Variants in TRAK1 observed in about 807,000 individuals in gnomAD.
The protein encoded by TRAK1 is trafficking kinesin-binding protein 1.
TRAK1 carries 33 observed loss-of-function variants against 92.1 expected under a neutral mutation model. The observed-to-expected ratio is 0.36, with a 90% confidence interval of 0.27 to 0.48. TRAK1 has a LOEUF of 0.48. TRAK1 is among the 20% of genes least tolerant of loss of function. The pLI, the probability that TRAK1 is intolerant of heterozygous loss-of-function variation, is 0.99. For missense variants in TRAK1, 1,123 were observed against 1,257.9 expected, an observed-to-expected ratio of 0.89 and a Z score of 1.62; for synonymous variants, 521 against 517.3, an observed-to-expected ratio of 1.01 and a Z score of -0.10.
At chr3:42,102,622 CTCTG>C (rs1460254827) in intron 1 of TRAK1, among the ~76,000 whole-genome samples, 1 of 152,188 alleles carries the variant, frequency 6.6e-6, no homozygotes, top group Non-Finnish European at 1.5e-5. Flanking sequence ...ACAAGGGCTT[CTCTG>C]TCTGCTGATG....
chr3:42,064,472 A>C (rs1292042865), intron 1 of TRAK1, among the ~76,000 whole-genome samples: 1 of 152,190 alleles, frequency 6.6e-6, no homozygotes, highest in African/African-American at 2.4e-5. Flanking sequence ...GAGTTACCCA[A>C]ATGTAATTTC....
Position 42,202,807 on chromosome 3 carries a change from C to T in TRAK1, c.1744+55C>T, listed in dbSNP as rs565766403. 2 of 1,596,610 alleles carry T rather than the reference C, an allele frequency of 1.3e-6. No homozygotes were observed. Among genetic ancestry groups the T allele is most frequent in the East Asian group, 4.5e-5 (2 of 44,346 alleles). ...GTCCTCCTGGGGGACTCCCTTTGGT[C>T]CCTGATCCACCTGCGGAAGGCGGGG... is the stretch of plus-strand genomic sequence containing the variant. On this transcript the variant is annotated intron_variant, in intron 13 of 15. Coordinates refer to ENST00000327628, the MANE Select transcript of TRAK1 (RefSeq NM_001042646.3). The surrounding 1 kb of genome is among the most constrained non-coding windows in gnomAD (Gnocchi z 6.1).
rs147120656 is a variant in TRAK1, at chr3:42,094,251, CTG to C, written c.91+2692_91+2693del. ...TGAGCAGCTGGGTTGGTGTGTGAGT[CTG>C]GGACTCATGGCCCCAGGGGGAACTT... On this transcript the variant is annotated intron_variant, in intron 1 of 15. Coordinates refer to ENST00000327628, the MANE Select transcript of TRAK1 (RefSeq NM_001042646.3). Among the ~76,000 whole-genome samples, 1,060 of 152,268 alleles carry C rather than the reference CTG, an allele frequency of 7.0e-3. 11 individuals are homozygous for C. Among genetic ancestry groups the C allele is most frequent in the African/African-American group, 0.025 (1,021 of 41,546 alleles).
At position 42,031,507 on chromosome 3, in the gene TRAK1, G is replaced by A. The variant is rs542007709; in HGVS notation, c.-519+17390G>A. ...AAGTTAGCCAGGCATGGTGGTGTGC[G>A]CCTGTAGTCCTAGCTACTATGGGGC... On this transcript the variant is annotated intron_variant, in intron 1 of 16. Coordinates refer to the TRAK1 transcript ENST00000487159. 3.3e-3 allele frequency among the ~76,000 whole-genome samples: 324 copies of A among 99,434 alleles called. 2 individuals are homozygous for A. The highest frequency in any genetic ancestry group is 9.0e-3 in the South Asian group (17 of 1,886). 65.2% of individuals were successfully genotyped at this position (99,434 alleles called of 152,430 possible).
chr3:42,024,518 T>C (rs992731605), intron 1 of TRAK1, among the ~76,000 whole-genome samples: 5 of 152,210 alleles, frequency 3.3e-5, no homozygotes, highest in African/African-American at 4.8e-5. Context: ...AGCAATAGCA[T>C]TGGTATTTTA....
intron 1 of TRAK1, among the ~76,000 whole-genome samples, chr3:42,021,498 G>T (rs1388709680): frequency 6.6e-6 from 1 of 152,158 alleles, no homozygotes; most frequent in African/African-American, 2.4e-5. Flanking sequence ...CTGTAAGATT[G>T]TTGCTTAGGT....
At position 42,091,410 on chromosome 3, in the gene TRAK1, C is replaced by T. The variant is rs1576292750; in HGVS notation, c.-60C>T. 1.3e-6 allele frequency: 2 copies of T among 1,524,890 alleles called. No individual in the cohort carries two copies. The highest frequency in any genetic ancestry group is 4.5e-5 in the East Asian group (2 of 44,058). The allele number at this position is 1,524,890 out of a possible 1,614,324, so 94.5% of individuals were successfully genotyped here. A position where few individuals can be genotyped will look rare whatever the true frequency, so the allele number is the denominator to read the frequency against. On this transcript the variant is annotated 5_prime_UTR_variant, in exon 1 of 16. Coordinates refer to ENST00000327628, the MANE Select transcript of TRAK1 (RefSeq NM_001042646.3). Reference sequence around the variant, plus strand: ...GTGGCTGTGCGAGGTACTGCCGGGGCTGAGCTCTCATGGAGGCTCTCTCTG... The same window carrying T: ...GTGGCTGTGCGAGGTACTGCCGGGGTTGAGCTCTCATGGAGGCTCTCTCTG...
At chr3:42,196,538 TC>T (rs1248191513) in intron 10 of TRAK1, among the ~76,000 whole-genome samples, 6 of 131,740 alleles carry the variant, frequency 4.6e-5, no homozygotes, top group Non-Finnish European at 3.4e-5. Flanking sequence ...TTTCTCTTCT[TC>T]TTTTTTTTTT....
At chr3:42,219,712 G>C (rs1710126091) in intron 15 of TRAK1, 116 bp downstream of exon 15, 17 of 1,129,784 alleles carry the variant, frequency 1.5e-5, no homozygotes, top group Middle Eastern at 2.5e-4. Flanking sequence ...AAAACCAACT[G>C]AAGCCAGTGT....
intron 2 of TRAK1, among the ~76,000 whole-genome samples, chr3:42,163,689 A>T (rs1200343029): frequency 6.6e-6 from 1 of 152,156 alleles, no homozygotes. Context: ...ATTCCAATGC[A>T]CATTGTCCTG....
intron 1 of TRAK1, among the ~76,000 whole-genome samples, chr3:42,032,917 A>G (rs1232752160): frequency 1.3e-5 from 2 of 152,018 alleles, no homozygotes; most frequent in African/African-American, 4.8e-5. Context: ...AGTGAGACCT[A>G]CTCTTGAAAC....
chr3:42,139,072 A>G (rs1424420784), intron 2 of TRAK1, among the ~76,000 whole-genome samples: 1 of 152,168 alleles, frequency 6.6e-6, no homozygotes, highest in Admixed American at 6.5e-5. Flanking sequence ...TCTAATTCCC[A>G]GGAACTTTTC....
At chr3:42,107,869 G>T (rs940685632) in intron 1 of TRAK1, among the ~76,000 whole-genome samples, 5 of 151,522 alleles carry the variant, frequency 3.3e-5, no homozygotes, top group South Asian at 2.1e-4. Flanking sequence ...CAGCCCTGCT[G>T]TCCCCAGGGT....
intron 15 of TRAK1, among the ~76,000 whole-genome samples, chr3:42,219,972 C>G (rs1308466787): frequency 6.6e-6 from 1 of 151,856 alleles, no homozygotes; most frequent in Non-Finnish European, 1.5e-5. Flanking sequence ...ACCGACCCAC[C>G]TTTAGTTGCC....
chr3:42,184,274 AT>A (rs1704469267), intron 3 of TRAK1, among the ~76,000 whole-genome samples: 1 of 152,244 alleles, frequency 6.6e-6, no homozygotes, highest in African/African-American at 2.4e-5. Flanking sequence ...ATATTTATTC[AT>A]TCATTCACTT....
intron 3 of TRAK1, among the ~76,000 whole-genome samples, chr3:42,183,553 T>TAA (rs11293523): frequency 2.6e-5 from 3 of 117,330 alleles, no homozygotes; most frequent in East Asian, 2.3e-4. Context: ...AGACTCTGTC[T>TAA]AAAAAAAAAA....
intron 6 of TRAK1, among the ~76,000 whole-genome samples, chr3:42,190,406 C>G (rs1421566181): frequency 1.3e-5 from 2 of 152,190 alleles, no homozygotes; most frequent in Non-Finnish European, 2.9e-5. Context: ...TTCTGTTAGA[C>G]CTCACCTCTT....
At chr3:42,047,922 C>CT (rs11422406) in intron 1 of TRAK1, among the ~76,000 whole-genome samples, 39,486 of 129,076 alleles carry the variant, frequency 0.31, 6,128 homozygotes, top group Middle Eastern at 0.4. Flanking sequence ...AGTTTCTTTT[C>CT]TTTTTTTTTT....
intron 1 of TRAK1, among the ~76,000 whole-genome samples, chr3:42,044,344 T>C (rs115644579): frequency 1.8e-4 from 27 of 152,116 alleles, no homozygotes; most frequent in African/African-American, 6.3e-4. Context: ...GTATTCTTGG[T>C]AGAGACAGGG....
Sources: gnomAD v4.1 joint callset for allele counts (sites outside exome capture counted in the v4.1 genomes callset) on GRCh38, gnomAD v4.1.1 for gene constraint, Gnocchi (gnomAD v3.1) non-coding constraint, MANE v1.5 for transcripts, NCBI Gene and HGNC (gene_info 2026-07-23, HGNC 2026-07-21) for gene names.